The following ZNF385B variants were observed in gnomAD, a reference collection of about 807,000 sequenced individuals.
ZNF385B encodes zinc finger protein 533.
In ZNF385B, 23 loss-of-function variants were observed where a neutral mutation model predicts 39.2. The ratio of observed to expected loss-of-function variants is 0.59; its 90% CI spans 0.42 to 0.83. ZNF385B has a LOEUF of 0.83. Ranked by LOEUF, ZNF385B falls within the 40% of genes least tolerant of loss-of-function variation. The pLI, the probability that ZNF385B is intolerant of heterozygous loss-of-function variation, is 0.00. For missense variants in ZNF385B, 552 were observed against 598.9 expected, an observed-to-expected ratio of 0.92 and a Z score of 0.82; for synonymous variants, 205 against 222.6, an observed-to-expected ratio of 0.92 and a Z score of 0.70.
chr2:179,703,076 T>C (rs762225465), intron 3 of ZNF385B, among the ~76,000 whole-genome samples: 1 of 152,274 alleles, frequency 6.6e-6, no homozygotes, highest in Non-Finnish European at 1.5e-5. Context: ...AAGAAAGTTA[T>C]GTTATAACCT....
intron 3 of ZNF385B, among the ~76,000 whole-genome samples, chr2:179,691,876 G>A (rs1235511534): frequency 2.6e-5 from 4 of 151,568 alleles, no homozygotes; most frequent in Admixed American, 6.6e-5. Flanking sequence ...AAATTATTAT[G>A]AATACATAAT....
chr2:179,721,606 G>C (rs138117138), intron 3 of ZNF385B, among the ~76,000 whole-genome samples: 79 of 151,836 alleles, frequency 5.2e-4, no homozygotes, highest in African/African-American at 1.8e-3. Context: ...TAAATATTGT[G>C]AACTAAATAT....
chr2:179,703,540 T>G (rs1307685995), intron 3 of ZNF385B, among the ~76,000 whole-genome samples: 3 of 152,198 alleles, frequency 2.0e-5, no homozygotes, highest in Non-Finnish European at 2.9e-5. Context: ...TTCCAATACC[T>G]ATAACAGTGT....
chr2:179,723,965 G>A (rs778597940), intron 3 of ZNF385B, among the ~76,000 whole-genome samples: 1 of 152,056 alleles, frequency 6.6e-6, no homozygotes, highest in Non-Finnish European at 1.5e-5. Context: ...GTATATTCTA[G>A]TATTACCAAT....
rs1702516221 is a variant in ZNF385B at position 179,748,754 on chromosome 2, CA to C, written c.298+20748del. On this transcript the variant is annotated intron_variant, in intron 3 of 9. Coordinates refer to ENST00000410066, the MANE Select transcript of ZNF385B (RefSeq NM_152520.6). ...GAGTCTTTCTTATGACTACACTTCC[CA>C]AATAAATACTTTTCTTTCAGTACAT... Among the ~76,000 whole-genome samples the C allele has an allele frequency of 2.0e-5, 3 of 152,168 alleles. No individual in the cohort carries two copies. In the South Asian group the frequency reaches 6.2e-4, roughly 32 times the overall value.
At chr2:179,638,790 T>C (rs1009304429) in intron 3 of ZNF385B, among the ~76,000 whole-genome samples, 2 of 151,944 alleles carry the variant, frequency 1.3e-5, no homozygotes, top group African/African-American at 4.8e-5. Context: ...GAATGTACCA[T>C]GGGGGATGAG....
At chr2:179,597,522 A>G (rs563768593) in intron 3 of ZNF385B, among the ~76,000 whole-genome samples, 33 of 152,326 alleles carry the variant, frequency 2.2e-4, no homozygotes, top group African/African-American at 7.7e-4. Flanking sequence ...CACAGTCAGT[A>G]GCTTTACTCT....
chr2:179,839,690 ACAGT>A (rs765543467), intron 1 of ZNF385B, among the ~76,000 whole-genome samples: 5 of 152,188 alleles, frequency 3.3e-5, no homozygotes, highest in Non-Finnish European at 7.3e-5. Context: ...TTACAAGCAC[ACAGT>A]CAGAGTGTAG....
intron 3 of ZNF385B, among the ~76,000 whole-genome samples, chr2:179,587,012 C>CT (rs1174063127): frequency 1.3e-5 from 2 of 152,270 alleles, no homozygotes; most frequent in Non-Finnish European, 2.9e-5. Context: ...GCACTCCAGC[C>CT]TGGGCAACAG....
rs143299826 is a variant in ZNF385B at position 179,826,106 on chromosome 2, A to G, written c.-155+34995T>C. 6.6e-3 allele frequency among the ~76,000 whole-genome samples: 998 copies of G among 152,320 alleles called. 12 individuals are homozygous for G. The highest frequency in any genetic ancestry group is 0.023 in the African/African-American group (956 of 41,564). Reference sequence around the variant, plus strand: ...TAAAATTAGAAGAGAATAGGTAAATAAGTTACCAAATTATGAAAAACAGCT... The same window carrying G: ...TAAAATTAGAAGAGAATAGGTAAATGAGTTACCAAATTATGAAAAACAGCT... On this transcript the variant is annotated intron_variant, in intron 1 of 9. Transcript: ENST00000410066.
At chr2:179,787,071 T>C (rs1209398070) in intron 1 of ZNF385B, among the ~76,000 whole-genome samples, 1 of 152,118 alleles carries the variant, frequency 6.6e-6, no homozygotes, top group East Asian at 1.9e-4. Context: ...TTCATGACCT[T>C]TGTTTTTTTC....
chr2:179,713,279 G>A (rs542045142), intron 3 of ZNF385B, among the ~76,000 whole-genome samples: 1 of 152,228 alleles, frequency 6.6e-6, no homozygotes, highest in Admixed American at 6.5e-5. Context: ...TGGATGAAAT[G>A]GATTTAGTTC....
intron 6 of ZNF385B, among the ~76,000 whole-genome samples, chr2:179,449,564 A>G (rs1369767216): frequency 6.6e-6 from 1 of 152,182 alleles, no homozygotes; most frequent in Non-Finnish European, 1.5e-5. Flanking sequence ...GGACCTCTTC[A>G]AGGAGAACTA....
intron 3 of ZNF385B, among the ~76,000 whole-genome samples, chr2:179,737,470 C>T (rs1029018250): frequency 6.6e-6 from 1 of 152,044 alleles, no homozygotes; most frequent in Non-Finnish European, 1.5e-5. Flanking sequence ...TGCCATCTAA[C>T]TTGTGTCTCC....
At chr2:179,612,753 G>A (rs1254548913) in intron 3 of ZNF385B, among the ~76,000 whole-genome samples, 3 of 152,108 alleles carry the variant, frequency 2.0e-5, no homozygotes, top group African/African-American at 7.2e-5. Flanking sequence ...TCAATGCCCT[G>A]GGGCTCTAAA....
chr2:179,767,836 G>A (rs1431088481), intron 3 of ZNF385B, among the ~76,000 whole-genome samples: 1 of 151,320 alleles, frequency 6.6e-6, no homozygotes, highest in East Asian at 1.9e-4. Context: ...CACCATAACA[G>A]ATGTAATTCA....
intron 3 of ZNF385B, among the ~76,000 whole-genome samples, chr2:179,560,488 A>G (rs1487017177): frequency 1.3e-5 from 2 of 152,278 alleles, no homozygotes; most frequent in East Asian, 3.9e-4. Flanking sequence ...AAAGAATCCA[A>G]AGTTCCAAAA....
At chr2:179,830,784 C>T in intron 1 of ZNF385B, among the ~76,000 whole-genome samples, 1 of 152,124 alleles carries the variant, frequency 6.6e-6, no homozygotes, top group African/African-American at 2.4e-5. Flanking sequence ...TAATGGTATA[C>T]ACATGACAAT....
rs115699013 is a variant in ZNF385B, at chr2:179,823,103, T to C, written c.-155+37998A>G. Reference sequence around the variant, plus strand: ...TAACTTTGCACTGGTCAGAAAGTTCTAGCCGAAAAAATATTCCAATTCACT... The same window carrying C: ...TAACTTTGCACTGGTCAGAAAGTTCCAGCCGAAAAAATATTCCAATTCACT... On this transcript the variant is annotated intron_variant, in intron 1 of 9. Coordinates refer to ENST00000410066, the MANE Select transcript of ZNF385B (RefSeq NM_152520.6). Among the ~76,000 whole-genome samples, 638 of 152,284 alleles carry C rather than the reference T, an allele frequency of 4.2e-3. 5 individuals carry two copies. Among genetic ancestry groups the C allele is most frequent in the African/African-American group, 0.015 (608 of 41,574 alleles).
Sources: gnomAD v4.1 joint callset for allele counts (sites outside exome capture counted in the v4.1 genomes callset) on GRCh38, gnomAD v4.1.1 for gene constraint, MANE v1.5 for transcripts, NCBI Gene and HGNC (gene_info 2026-07-23, HGNC 2026-07-21) for gene names.